PLB1: variants seen among roughly 807,000 people sequenced by gnomAD.
PLB1 encodes phospholipase B1, membrane-associated.
PLB1 carries 242 observed loss-of-function variants against 227.4 expected under a neutral mutation model. The observed-to-expected ratio is 1.06, with a 90% CI of 0.96 to 1.18. PLB1 has a LOEUF of 1.18. PLB1 is among the 50% of genes most tolerant of loss of function. PLB1 has a pLI of 0.00. For missense variants in PLB1, 1,858 were observed against 1,816.3 expected (o/e 1.02, Z -0.42); for synonymous variants, 757 against 682.2 (o/e 1.11, Z -1.71).
At chr2:28,584,381 C>T (rs559427816) in intron 25 of PLB1, among the ~76,000 whole-genome samples, 15 of 152,334 alleles carry the variant, frequency 9.8e-5, no homozygotes, top group East Asian at 9.6e-4. Flanking sequence ...TGACATGTTC[C>T]TATGAACGCA....
intron 55 of PLB1, among the ~76,000 whole-genome samples, chr2:28,632,606 G>T (rs1389194492): frequency 6.6e-6 from 1 of 152,026 alleles, no homozygotes; most frequent in Non-Finnish European, 1.5e-5. Context: ...GGCCAACATG[G>T]TGAAACCCCG....
intron 8 of PLB1, among the ~76,000 whole-genome samples, chr2:28,530,841 T>C (rs1670920391): frequency 6.6e-6 from 1 of 152,284 alleles, no homozygotes; most frequent in Non-Finnish European, 1.5e-5. Context: ...GAGCAGGAGC[T>C]ACACCATAAA....
chr2:28,589,530 A>G lies in PLB1; in HGVS notation c.1896A>G (p.Glu632=). 1 of 1,614,186 alleles carries G rather than the reference A, an allele frequency of 6.2e-7. No homozygotes were observed. Among genetic ancestry groups the G allele is most frequent in the South Asian group, 1.1e-5 (1 of 91,082 alleles). The change falls in exon 27 of 58, where the codon GAA becomes GAG. Residue 632 remains glutamate, a synonymous_variant. Transcript: ENST00000327757. ...DFTVVVQPFF[E]NVDMPKTSEG... ...CTGTGGTTGTGCAGCCGTTCTTTGA[A>G]AACGTGGACATGCCAAAGACCTCGG...
intron 1 of PLB1, among the ~76,000 whole-genome samples, chr2:28,511,772 T>A (rs1668283684): frequency 6.7e-6 from 1 of 150,018 alleles, no homozygotes; most frequent in African/African-American, 2.5e-5. Context: ...GTTTGGGAAG[T>A]TTTCAGCCAT....
chr2:28,547,952 TTATAC>T (rs1419969828), intron 14 of PLB1, among the ~76,000 whole-genome samples: 1 of 152,228 alleles, frequency 6.6e-6, no homozygotes, highest in African/African-American at 2.4e-5. Context: ...TCTCCTGCTG[TTATAC>T]TATAAATGTT....
intron 26 of PLB1, among the ~76,000 whole-genome samples, chr2:28,588,093 A>G (rs1681218577): frequency 7.9e-6 from 1 of 126,126 alleles, no homozygotes; most frequent in Non-Finnish European, 1.6e-5. Flanking sequence ...CTTCCCACAG[A>G]AGCTACGGCT....
intron 18 of PLB1, among the ~76,000 whole-genome samples, chr2:28,563,850 A>G (rs1676427670): frequency 6.6e-6 from 1 of 152,146 alleles, no homozygotes; most frequent in Non-Finnish European, 1.5e-5. Flanking sequence ...GAACAAGCAG[A>G]CACCTCTCAT....
At chr2:28,641,358 A>G (rs1689953407) in intron 57 of PLB1, among the ~76,000 whole-genome samples, 1 of 152,198 alleles carries the variant, frequency 6.6e-6, no homozygotes, top group African/African-American at 2.4e-5. Flanking sequence ...CTATAATCCC[A>G]GCACTTTGGG....
At chr2:28,584,222 A>G (rs1680532558) in intron 25 of PLB1, among the ~76,000 whole-genome samples, 1 of 152,206 alleles carries the variant, frequency 6.6e-6, no homozygotes, top group Admixed American at 6.5e-5. Flanking sequence ...AATAATTCAC[A>G]AGGGCCAGAC....
intron 5 of PLB1, 51 bp from the exon 6 acceptor site, chr2:28,525,854 G>A (rs757173393): frequency 1.2e-6 from 2 of 1,606,796 alleles, no homozygotes; most frequent in East Asian, 4.5e-5. Context: ...AGGGCTATTG[G>A]CAGGTGACAC....
chr2:28,591,373 A>G (rs1339131444), intron 30 of PLB1, among the ~76,000 whole-genome samples: 1 of 152,228 alleles, frequency 6.6e-6, no homozygotes, highest in Non-Finnish European at 1.5e-5. Flanking sequence ...CAACCCAATC[A>G]CAGCTTCACT....
At chr2:28,610,169 A>G (rs1186148606) in intron 43 of PLB1, among the ~76,000 whole-genome samples, 1 of 152,144 alleles carries the variant, frequency 6.6e-6, no homozygotes, top group African/African-American at 2.4e-5. Flanking sequence ...ATAAGTATAC[A>G]TGTGCCATGG....
chr2:28,602,429 C>A (rs1175045239), intron 38 of PLB1, among the ~76,000 whole-genome samples: 2 of 152,254 alleles, frequency 1.3e-5, no homozygotes, highest in African/African-American at 2.4e-5. Context: ...CTCTGACCAC[C>A]AGATGCTCCC....
intron 4 of PLB1, among the ~76,000 whole-genome samples, chr2:28,524,844 C>A (rs13383847): frequency 9.4e-6 from 1 of 106,598 alleles, no homozygotes; most frequent in Non-Finnish European, 1.8e-5. Context: ...CTCTCTCTCT[C>A]TTTTTTTTTT....
Position 28,566,814 on chromosome 2 carries a change from C to T in PLB1, c.1299C>T (p.Asn433=), listed in dbSNP as rs149123001. The part of the protein sequence containing the change: ...GLSWSVGGDE[N]IGTVTTLANI... Reference sequence around the variant, plus strand: ...GTTACAGCGTCGGCGGAGATGAGAACATCGGCACCGTTACCACCCTGGCGA... The same window carrying T: ...GTTACAGCGTCGGCGGAGATGAGAATATCGGCACCGTTACCACCCTGGCGA... Residue 433 remains asparagine, a synonymous_variant, in exon 20 of 58, where the codon AAC becomes AAT. Transcript: ENST00000327757. 2.9e-4 allele frequency: 469 copies of T among 1,614,134 alleles called. 1 individual carries two copies. The African/African-American group carries it at 5.6e-3, about 19-fold the overall frequency.
rs1272265470 is a variant in PLB1 at position 28,604,640 on chromosome 2, T to A, written c.2857-15T>A. The A allele has an allele frequency of 1.2e-6, 2 of 1,611,758 alleles. No homozygotes were observed. Among genetic ancestry groups the A allele is most frequent in the East Asian group, 2.2e-5 (1 of 44,828 alleles). On this transcript the variant is annotated splice_polypyrimidine_tract_variant and intron_variant, in intron 40 of 57. Coordinates refer to ENST00000327757, the MANE Select transcript of PLB1 (RefSeq NM_153021.5). ...CCCAGGGCCTGGGCTGAAGACCCTGTGCATGTGTCCCCAGAGCAGCATGCG... is the reference window on the plus strand; with the variant it reads ...CCCAGGGCCTGGGCTGAAGACCCTGAGCATGTGTCCCCAGAGCAGCATGCG...
intron 25 of PLB1, among the ~76,000 whole-genome samples, chr2:28,583,306 C>G (rs1680359642): frequency 6.6e-6 from 1 of 152,076 alleles, no homozygotes; most frequent in Non-Finnish European, 1.5e-5. Context: ...CCACCTCAGC[C>G]TCCTTAGTAG....
intron 23 of PLB1, 133 bp downstream of exon 23, chr2:28,579,840 G>A (rs976680150): frequency 2.8e-6 from 2 of 726,880 alleles, no homozygotes; most frequent in African/African-American, 1.8e-5. Context: ...TCCAGCCTGG[G>A]ATGAACCCTG....
At position 28,519,723 on chromosome 2, in the gene PLB1, C is replaced by T. The variant is rs144216037; in HGVS notation, c.203C>T (p.Ser68Phe). 6.5e-4 allele frequency: 1,055 copies of T among 1,611,432 alleles called. 1 individual carries two copies. The highest frequency in any genetic ancestry group is 8.1e-4 in the Non-Finnish European group (956 of 1,177,924). Residue 68 changes from serine to phenylalanine, a missense_variant, in exon 4 of 58, where the codon TCT becomes TTT. Coordinates refer to ENST00000327757, the MANE Select transcript of PLB1 (RefSeq NM_153021.5). ...PSKSVHSLKPSDIKFVAAIGN... is the reference protein window; with the variant it reads ...PSKSVHSLKPFDIKFVAAIGN... ...TCCACAGTTCACTCTCTGAAGCCTT[C>T]TGATATTAAATTTGTGGCAGCCATT...
Sources: allele counts gnomAD v4.1 joint callset (sites outside exome capture counted in the v4.1 genomes callset), GRCh38; gene constraint gnomAD v4.1.1; transcripts MANE v1.5; gene names NCBI Gene and HGNC (gene_info 2026-07-23, HGNC 2026-07-21).